The following SMTN variants were observed in gnomAD, a reference collection of about 807,000 sequenced individuals.
SMTN encodes the protein smoothelin.
SMTN carries 58 observed loss-of-function variants against 102.0 expected under a neutral mutation model. The ratio of observed to expected loss-of-function variants is 0.57; its 90% CI spans 0.46 to 0.71. The LOEUF is 0.71. Ranked by LOEUF, SMTN falls within the 30% of genes least tolerant of loss-of-function variation. The pLI is 0.00. For synonymous variants in SMTN, 478 were observed against 497.9 expected (o/e 0.96, Z 0.53); for missense variants, 1,185 against 1,241.7 (o/e 0.95, Z 0.69).
Position 31,091,812 on chromosome 22 carries a change from G to A in SMTN, c.1597G>A (p.Ala533Thr), listed in dbSNP as rs1555968490. 1.3e-6 allele frequency: 2 copies of A among 1,595,106 alleles called. No individual in the cohort carries two copies. Among genetic ancestry groups the A allele is most frequent in the East Asian group, 2.3e-5 (1 of 43,944 alleles). The change falls in exon 11 of 21, where the codon GCC becomes ACC. Residue 533 changes from alanine (A) to threonine (T), a missense_variant. This residue lies in a region of SMTN where 1,096 missense variants were observed against 1,112.7 expected (regional missense o/e 0.98). Coordinates refer to ENST00000333137, the MANE Select transcript of SMTN (RefSeq NM_134269.3). ...CACTCATGTCACCAGCTTCAGCCAT[G>A]CCCCCCCCAGTAGCCGAGGAGGCTG... is the stretch of plus-strand genomic sequence containing the variant. ...SVTHVTSFSHAPPSSRGGCSI... is the reference protein window; with the variant it reads ...SVTHVTSFSHTPPSSRGGCSI...
At chr22:31,082,957 G>A (rs1232997189) in intron 1 of SMTN, 1 of 1,494,648 alleles carries the variant, frequency 6.7e-7, no homozygotes, top group Non-Finnish European at 9.1e-7. Flanking sequence ...CAGACTGGCG[G>A]CCAAGCTGGC....
chr22:31,073,150 G>A (rs926194825), intron 1 of SMTN, among the ~76,000 whole-genome samples: 12 of 151,630 alleles, frequency 7.9e-5, no homozygotes, highest in Non-Finnish European at 1.5e-4. Context: ...AGAGTAGTGG[G>A]ATTACAGGCA....
In SMTN at chr22:31,095,732, C is replaced by G. The variant is rs2043534348; in HGVS notation, c.1861+123C>G. On this transcript the variant is annotated intron_variant, in intron 13 of 20. Transcript: ENST00000333137. The surrounding 1 kb of genome is among the most constrained non-coding windows in gnomAD (Gnocchi z 4.1). ...ACTGCCCTACCCAGCTTCTCCTTCT[C>G]TAGACCCAGCAGTTCCCTTGGCTAT... 1 of 795,130 alleles carries G rather than the reference C, an allele frequency of 1.3e-6. No individual in the cohort carries two copies. The highest frequency in any genetic ancestry group is 1.7e-5 in the African/African-American group (1 of 57,982). 49.3% of individuals were successfully genotyped at this position (795,130 alleles called of 1,614,324 possible).
intron 1 of SMTN, among the ~76,000 whole-genome samples, chr22:31,073,011 CT>C (rs59040826): frequency 0.41 from 35,266 of 85,108 alleles, 6,414 homozygotes; most frequent in Middle Eastern, 0.55. Context: ...CTCTCTCTCT[CT>C]TTTTTTTTTT....
chr22:31,066,715 C>T (rs1009680462), intron 1 of SMTN: 13 of 152,240 alleles, frequency 8.5e-5, no homozygotes, highest in African/African-American at 2.9e-4. Flanking sequence ...CCATATCAAA[C>T]CTCCTAATTA....
chr22:31,074,527 C>T (rs568136258), intron 1 of SMTN, among the ~76,000 whole-genome samples: 22 of 152,102 alleles, frequency 1.4e-4, no homozygotes, highest in Non-Finnish European at 3.1e-4. Flanking sequence ...TGGTGGCTCA[C>T]ACCTGTAATC....
In SMTN at chr22:31,104,460, T is replaced by C. The variant is rs763202193; in HGVS notation, c.*165T>C. 61 of 1,613,080 alleles carry C rather than the reference T, an allele frequency of 3.8e-5. No individual in the cohort carries two copies. In the East Asian group the frequency reaches 6.2e-4, roughly 17 times the overall value. On this transcript the variant is annotated 3_prime_UTR_variant, in exon 21 of 21. Coordinates refer to ENST00000333137, the MANE Select transcript of SMTN (RefSeq NM_134269.3). ...ACGAACTGCGCCTGCGCGGCAAGAA[T>C]GTCTAGCCTGCCCGCCCGCATGGCC...
At chr22:31,072,105 A>G (rs58948878) in intron 1 of SMTN, among the ~76,000 whole-genome samples, 12,806 of 152,166 alleles carry the variant, frequency 0.084, 1,799 homozygotes, top group African/African-American at 0.29. Context: ...AAATTCATGG[A>G]CCCTGGCAGG....
Position 31,090,809 on chromosome 22 carries a change from C to T in SMTN, c.867C>T (p.Asp289=), listed in dbSNP as rs770387966. 26 of 1,613,058 alleles carry T rather than the reference C, an allele frequency of 1.6e-5. No homozygotes were observed. The South Asian group carries it at 1.6e-4, about 10-fold the overall frequency. ...TRGPSDTKRA[D]VAGPRPCQRS... ...ATCACCCCCTCCCCAACCTGCCAGA[C>T]GTGGCTGGACCCCGACCCTGCCAAC... The change falls in exon 9 of 21, where the codon GAC becomes GAT. Residue 289 remains aspartate (D), a splice_region_variant and synonymous_variant. Coordinates refer to ENST00000333137, the MANE Select transcript of SMTN (RefSeq NM_134269.3).
intron 1 of SMTN, among the ~76,000 whole-genome samples, chr22:31,075,455 T>G (rs1602574005): frequency 6.6e-6 from 1 of 152,022 alleles, no homozygotes; most frequent in Admixed American, 6.6e-5. Context: ...CCGAGGCAGG[T>G]GGATCACCTC....
chr22:31,099,966 T>G, intron 19 of SMTN, 70 bp downstream of exon 19: 1 of 1,523,680 alleles, frequency 6.6e-7, no homozygotes, highest in Non-Finnish European at 9.0e-7. Flanking sequence ...CAGGCCCAGT[T>G]GCCCTGAGAA....
upstream of SMTN, among the ~76,000 whole-genome samples, chr22:31,077,086 T>C (rs1423534349): frequency 6.6e-6 from 1 of 152,010 alleles, no homozygotes; most frequent in Non-Finnish European, 1.5e-5. Flanking sequence ...AGCTTCCAAA[T>C]GGTGGATGGT....
At chr22:31,099,316 G>A (rs1216767128) in intron 18 of SMTN, 137 bp downstream of exon 18, 1 of 636,954 alleles carries the variant, frequency 1.6e-6, no homozygotes, top group Non-Finnish European at 2.7e-6. Flanking sequence ...AGGCTCTTGG[G>A]GTGAGGAAAC....
intron 15 of SMTN, 21 bp downstream of exon 15, chr22:31,097,081 C>T (rs1158558217): frequency 6.2e-7 from 1 of 1,610,734 alleles, no homozygotes; most frequent in Non-Finnish European, 8.5e-7. Context: ...CTGGTGTCGC[C>T]CTGTGCCTGC....
intron 20 of SMTN, chr22:31,103,853 C>T (rs2044286450): frequency 1.3e-5 from 2 of 159,906 alleles, no homozygotes; most frequent in South Asian, 1.8e-4. Flanking sequence ...AGACAATCAT[C>T]GGTGGACCAC....
intron 3 of SMTN, 131 bp from the exon 4 acceptor site, chr22:31,088,382 G>A (rs975261527): frequency 6.0e-5 from 50 of 836,704 alleles, no homozygotes; most frequent in Non-Finnish European, 8.5e-5. Flanking sequence ...TCAGTGTGCA[G>A]TTAGAGGGTG....
In SMTN at chr22:31,096,714, T is replaced by TG; in HGVS notation, c.1862-15dup. 6.6e-7 allele frequency: 1 copy of TG among 1,517,302 alleles called. No individual in the cohort carries two copies. Among genetic ancestry groups the TG allele is most frequent in the South Asian group, 1.3e-5 (1 of 77,732 alleles). 94.0% of individuals were successfully genotyped at this position (1,517,302 alleles called of 1,614,324 possible). On this transcript the variant is annotated intron_variant, in intron 13 of 20. Transcript: ENST00000333137. ...TGTTGGTGGCCCTTTTGCGCATGCA[T>TG]GGGGCATCCCCTGCCCAGACCAGCG...
Position 31,085,364 on chromosome 22 carries a change from C to T in SMTN, c.51+2055C>T. Reference sequence around the variant, plus strand: ...CCTGCGGGCCTTCAGCGCCCCCTGGCGAGGCTTCCCTCCACCGCCGGCGGG... The same window carrying T: ...CCTGCGGGCCTTCAGCGCCCCCTGGTGAGGCTTCCCTCCACCGCCGGCGGG... On this transcript the variant is annotated intron_variant, in intron 2 of 20. Transcript: ENST00000333137. The T allele has an allele frequency of 1.1e-5, 14 of 1,325,050 alleles. 1 individual carries two copies. Among genetic ancestry groups the T allele is most frequent in the Admixed American group, 7.9e-5 (3 of 38,132 alleles). 82.1% of individuals were successfully genotyped at this position (1,325,050 alleles called of 1,614,324 possible).
In SMTN at chr22:31,096,792, G is replaced by C. The variant is rs2043620603; in HGVS notation, c.1921G>C (p.Gly641Arg). ...LQEARGRPGE[G>R]RGNTATETTT... ...GGAGGCACGGGGCCGGCCAGGGGAG[G>C]GGCGCGGCAACACAGCCACTGAGAC... Residue 641 changes from glycine (G) to arginine (R), a missense_variant, in exon 14 of 21, where the codon GGG becomes CGG. Gly to Arg is a moderately radical substitution (Grantham distance 125). This residue lies in a region of SMTN where 1,096 missense variants were observed against 1,112.7 expected (regional missense o/e 0.98). Coordinates refer to ENST00000333137, the MANE Select transcript of SMTN (RefSeq NM_134269.3). 1 of 1,566,986 alleles carries C rather than the reference G, an allele frequency of 6.4e-7. No individual in the cohort carries two copies. Among genetic ancestry groups the C allele is most frequent in the African/African-American group, 1.4e-5 (1 of 73,914 alleles).
Sources: allele counts gnomAD v4.1 joint callset (sites outside exome capture counted in the v4.1 genomes callset), GRCh38; gene constraint gnomAD v4.1.1; regional missense constraint gnomAD v4.1.1; non-coding constraint Gnocchi (gnomAD v3.1); transcripts MANE v1.5; gene names NCBI Gene and HGNC (gene_info 2026-07-23, HGNC 2026-07-21).